GRID1: variants seen among roughly 807,000 people sequenced by gnomAD.
GRID1 encodes glutamate receptor ionotropic, delta-1.
GRID1 carries 28 observed loss-of-function variants against 98.0 expected under a neutral mutation model. That is an observed-to-expected ratio of 0.29 (90% CI 0.21 to 0.39). GRID1 has a LOEUF of 0.39. Ranked by LOEUF, GRID1 falls within the 10% of genes least tolerant of loss-of-function variation. The probability of loss-of-function intolerance (pLI) is 1.00; values close to 1 mark genes in which losing one functional copy is unlikely to be tolerated. For missense variants in GRID1, 1,111 were observed against 1,340.5 expected (o/e 0.83, Z 2.67); for synonymous variants, 553 against 538.5 (o/e 1.03, Z -0.37).
intron 2 of GRID1, among the ~76,000 whole-genome samples, chr10:86,279,168 C>T (rs1847318160): frequency 6.6e-6 from 1 of 152,072 alleles, no homozygotes; most frequent in South Asian, 2.1e-4. Flanking sequence ...CTCTTTCCAC[C>T]ATGGAAAGGT....
chr10:86,316,450 G>C (rs527768081), intron 2 of GRID1, among the ~76,000 whole-genome samples: 1 of 152,354 alleles, frequency 6.6e-6, no homozygotes, highest in East Asian at 1.9e-4. Context: ...ATCAGGCACA[G>C]CCTGGCCCCT....
intron 2 of GRID1, among the ~76,000 whole-genome samples, chr10:86,254,519 T>G (rs1011848468): frequency 5.9e-5 from 9 of 152,240 alleles, no homozygotes; most frequent in African/African-American, 1.9e-4. Flanking sequence ...ATTTGAGAAC[T>G]ACCGTAGCTG....
At chr10:86,286,210 T>A (rs1388888018) in intron 2 of GRID1, among the ~76,000 whole-genome samples, 3 of 151,956 alleles carry the variant, frequency 2.0e-5, no homozygotes, top group Non-Finnish European at 4.4e-5. Context: ...TGTATAGTTA[T>A]AGGATCATCT....
chr10:85,918,986 G>A (rs982748220), intron 4 of GRID1, among the ~76,000 whole-genome samples: 3 of 152,246 alleles, frequency 2.0e-5, no homozygotes, highest in African/African-American at 7.2e-5. Context: ...CACTGCTAGG[G>A]ATCCTAATTC....
Position 86,011,549 on chromosome 10 carries a change from GA to G in GRID1, c.727-95311del, listed in dbSNP as rs989525450. Among the ~76,000 whole-genome samples, 4 of 151,702 alleles carry G rather than the reference GA, an allele frequency of 2.6e-5. No individual in the cohort carries two copies. In the East Asian group the frequency reaches 7.7e-4, roughly 29 times the overall value. On this transcript the variant is annotated intron_variant, in intron 4 of 15. Transcript: ENST00000327946. ...TGCTCTGTATAAATGAAGGAAAGAG[GA>G]AAAAAAAGTCTCAGATCTCTAAATC...
At chr10:85,980,825 C>G (rs963550569) in intron 4 of GRID1, among the ~76,000 whole-genome samples, 4 of 152,208 alleles carry the variant, frequency 2.6e-5, no homozygotes, top group Admixed American at 2.6e-4. Context: ...GAAACAGGAA[C>G]TTATGAGAGT....
intron 4 of GRID1, among the ~76,000 whole-genome samples, chr10:85,982,958 T>C (rs907767750): frequency 6.6e-6 from 1 of 152,226 alleles, no homozygotes; most frequent in East Asian, 1.9e-4. Flanking sequence ...GGCACTTTTA[T>C]GGCTCCCTAA....
chr10:86,338,062 G>T (rs1848252140), intron 2 of GRID1, among the ~76,000 whole-genome samples: 1 of 152,152 alleles, frequency 6.6e-6, no homozygotes, highest in South Asian at 2.1e-4. Context: ...CACGTGGCTT[G>T]GGCTGGCCAA....
chr10:85,917,447 TAC>T (rs1841636636), intron 4 of GRID1, among the ~76,000 whole-genome samples: 2 of 152,322 alleles, frequency 1.3e-5, no homozygotes, highest in South Asian at 4.2e-4. Flanking sequence ...TAGAAGATTT[TAC>T]AGTTACCTCC....
intron 8 of GRID1, among the ~76,000 whole-genome samples, chr10:85,787,638 T>G (rs2132735542): frequency 6.6e-6 from 1 of 152,290 alleles, no homozygotes; most frequent in South Asian, 2.1e-4. Context: ...CCACTGCTTC[T>G]GAGACACACA....
chr10:85,848,181 G>A (rs1033127629), intron 8 of GRID1, among the ~76,000 whole-genome samples: 1 of 152,022 alleles, frequency 6.6e-6, no homozygotes, highest in Non-Finnish European at 1.5e-5. Flanking sequence ...ACTACTCATG[G>A]ATGTGAAAGT....
chr10:85,837,198 A>T (rs1302082606), intron 8 of GRID1, among the ~76,000 whole-genome samples: 2 of 151,970 alleles, frequency 1.3e-5, no homozygotes, highest in Non-Finnish European at 2.9e-5. Context: ...AGAACAAAGG[A>T]TCCTCCCACA....
intron 12 of GRID1, among the ~76,000 whole-genome samples, chr10:85,689,971 A>G (rs1841314531): frequency 6.6e-6 from 1 of 152,194 alleles, no homozygotes; most frequent in South Asian, 2.1e-4. Context: ...ATCAAGAGTT[A>G]AACTGACAGT....
At chr10:86,125,736 C>T (rs1015899085) in intron 4 of GRID1, among the ~76,000 whole-genome samples, 2 of 152,118 alleles carry the variant, frequency 1.3e-5, no homozygotes, top group Non-Finnish European at 2.9e-5. Context: ...CCAACCCTTC[C>T]GCCTCTTCCT....
intron 4 of GRID1, among the ~76,000 whole-genome samples, chr10:86,083,754 C>T (rs1844010694): frequency 1.3e-5 from 2 of 152,184 alleles, no homozygotes; most frequent in African/African-American, 2.4e-5. Flanking sequence ...GTCACCTTGG[C>T]CAACACAGCC....
intron 13 of GRID1, among the ~76,000 whole-genome samples, chr10:85,635,771 G>A (rs751064994): frequency 6.6e-6 from 1 of 152,176 alleles, no homozygotes; most frequent in African/African-American, 2.4e-5. Context: ...CCCAGGGAAG[G>A]CTCAGGAGAC....
chr10:85,659,829 C>A (rs1840944731), intron 12 of GRID1, among the ~76,000 whole-genome samples: 1 of 152,174 alleles, frequency 6.6e-6, no homozygotes, highest in South Asian at 2.1e-4. Flanking sequence ...TCCTCAGAAC[C>A]ACCCTCTGTG....
chr10:85,935,581 A>G (rs1379038926), intron 4 of GRID1, among the ~76,000 whole-genome samples: 4 of 152,192 alleles, frequency 2.6e-5, no homozygotes, highest in African/African-American at 7.2e-5. Flanking sequence ...ACCACAGCTC[A>G]GCCCCTCTGT....
Position 86,266,754 on chromosome 10 carries a change from C to A in GRID1, c.236-60106G>T, listed in dbSNP as rs183232901. Among the ~76,000 whole-genome samples, 26 of 152,362 alleles carry A rather than the reference C, an allele frequency of 1.7e-4. No homozygotes were observed. In the South Asian group the frequency reaches 4.3e-3, roughly 25 times the overall value. ...AGCAGCTTTCACAGGCTTAGGAAAC[C>A]CTCTTGGTCCCCTGAACCCTGGGAT... On this transcript the variant is annotated intron_variant, in intron 2 of 15. Transcript: ENST00000327946.
Sources: allele counts gnomAD v4.1 joint callset (sites outside exome capture counted in the v4.1 genomes callset), GRCh38; gene constraint gnomAD v4.1.1; transcripts MANE v1.5; gene names NCBI Gene and HGNC (gene_info 2026-07-23, HGNC 2026-07-21).